XIRP2: variants seen among roughly 807,000 people sequenced by gnomAD.
XIRP2 encodes xin actin-binding repeat-containing protein 2.
In XIRP2, 236 loss-of-function variants were observed where a neutral mutation model predicts 277.0. The ratio of observed to expected loss-of-function variants is 0.85; its 90% confidence interval spans 0.77 to 0.95. The LOEUF (loss-of-function observed/expected upper bound fraction) is 0.95. Ranked by LOEUF, XIRP2 falls within the 40% of genes least tolerant of loss-of-function variation. The pLI is 0.00. For synonymous variants in XIRP2, 1,490 were observed against 1,416.5 expected (o/e 1.05, Z -1.17); for missense variants, 4,640 against 4,157.5 (o/e 1.12, Z -3.19).
At chr2:166,919,003 T>A (rs898054630) in intron 2 of XIRP2, among the ~76,000 whole-genome samples, 6 of 152,132 alleles carry the variant, frequency 3.9e-5, no homozygotes, top group African/African-American at 4.8e-5. Context: ...ATACTTAACG[T>A]AATGTGCAGG....
intron 2 of XIRP2, among the ~76,000 whole-genome samples, chr2:167,088,474 C>T (rs1276732835): frequency 3.3e-5 from 5 of 152,114 alleles, no homozygotes; most frequent in Non-Finnish European, 5.9e-5. Context: ...AGTTTTAGTA[C>T]AACCTATTCT....
intron 2 of XIRP2, among the ~76,000 whole-genome samples, chr2:167,041,182 A>G (rs888476912): frequency 1.3e-5 from 2 of 152,184 alleles, no homozygotes; most frequent in Admixed American, 1.3e-4. Context: ...TCATCCGGAC[A>G]GTAACTTCAA....
intron 5 of XIRP2, among the ~76,000 whole-genome samples, chr2:167,235,823 T>C (rs1251096564): frequency 3.3e-5 from 5 of 151,798 alleles, no homozygotes; most frequent in Non-Finnish European, 7.4e-5. Context: ...TTAATAAAAA[T>C]AAAAAGAGAA....
chr2:167,083,019 A>C (rs1215225524), intron 2 of XIRP2, among the ~76,000 whole-genome samples: 2 of 152,190 alleles, frequency 1.3e-5, no homozygotes, highest in South Asian at 4.1e-4. Context: ...GTCCTTGCCC[A>C]TGCCTATGTC....
At position 167,248,208 on chromosome 2, in the gene XIRP2, T is replaced by G; in HGVS notation, c.6816T>G (p.Asn2272Lys). Residue 2272 changes from asparagine to lysine, a missense_variant, in exon 9 of 11, where the codon AAT becomes AAG. Coordinates refer to ENST00000409195, the MANE Select transcript of XIRP2 (RefSeq NM_152381.6). ...AAATGGCAATGGAAAGGTCCTTGAATCCAATCAACTTTAACCCTGAGAATA... is the reference window on the plus strand; with the variant it reads ...AAATGGCAATGGAAAGGTCCTTGAAGCCAATCAACTTTAACCCTGAGAATA... ...GLKMAMERSL[N>K]PINFNPENNV... The G allele has an allele frequency of 6.2e-7, 1 of 1,613,694 alleles. No individual in the cohort carries two copies. The highest frequency in any genetic ancestry group is 8.5e-7 in the Non-Finnish European group (1 of 1,179,764).
intron 2 of XIRP2, among the ~76,000 whole-genome samples, chr2:167,072,146 A>C (rs1689453066): frequency 1.3e-5 from 2 of 152,178 alleles, no homozygotes; most frequent in African/African-American, 4.8e-5. Context: ...TTTATGTAAT[A>C]GAGTGTGTGT....
At chr2:166,899,058 G>A (rs543553578) in intron 1 of XIRP2, among the ~76,000 whole-genome samples, 15 of 152,090 alleles carry the variant, frequency 9.9e-5, no homozygotes, top group African/African-American at 3.4e-4. Context: ...TGTCTTCTCC[G>A]TTCCCTCTGT....
At chr2:167,257,217 C>G (rs1695681032) in intron 10 of XIRP2, among the ~76,000 whole-genome samples, 1 of 151,824 alleles carries the variant, frequency 6.6e-6, no homozygotes, top group South Asian at 2.1e-4. Context: ...GGTGGTTTCT[C>G]CTTAGTTCTT....
chr2:167,188,900 T>A (rs16853185), intron 3 of XIRP2, among the ~76,000 whole-genome samples: 27,625 of 152,186 alleles, frequency 0.18, 3,595 homozygotes, highest in African/African-American at 0.36. Flanking sequence ...CATTCTTTAA[T>A]GATCTCAGAG....
At chr2:166,945,169 T>C (rs1484999504) in intron 2 of XIRP2, among the ~76,000 whole-genome samples, 1 of 152,112 alleles carries the variant, frequency 6.6e-6, no homozygotes, top group Non-Finnish European at 1.5e-5. Flanking sequence ...CTTCCAAGAT[T>C]TGGAATATAG....
At chr2:167,204,294 A>G (rs1431282780) in intron 3 of XIRP2, among the ~76,000 whole-genome samples, 2 of 152,212 alleles carry the variant, frequency 1.3e-5, no homozygotes, top group Admixed American at 6.5e-5. Flanking sequence ...AATATTATGG[A>G]TATTTTTATT....
intron 2 of XIRP2, among the ~76,000 whole-genome samples, chr2:166,987,917 G>A (rs1263778852): frequency 1.3e-5 from 2 of 152,152 alleles, no homozygotes; most frequent in East Asian, 1.9e-4. Context: ...ATAACAAATA[G>A]GAAGGCATGC....
chr2:166,978,322 A>G (rs376423482), intron 2 of XIRP2, among the ~76,000 whole-genome samples: 2 of 152,148 alleles, frequency 1.3e-5, no homozygotes, highest in East Asian at 3.9e-4. Flanking sequence ...AGCCTCAGAC[A>G]TTTTTATTCT....
intron 2 of XIRP2, among the ~76,000 whole-genome samples, chr2:167,048,881 C>T (rs573968415): frequency 6.6e-6 from 1 of 152,010 alleles, no homozygotes; most frequent in African/African-American, 2.4e-5. Flanking sequence ...TGTTTATCTT[C>T]TTTTTCCTAG....
In XIRP2 at chr2:167,249,309, C is replaced by T. The variant is rs1559043658; in HGVS notation, c.7917C>T (p.Ala2639=). ...CAACATCGCCAGAAACAGTCGCTGCCAAGAGGCTCCACCATGTTTTAGCAG... is the reference window on the plus strand; with the variant it reads ...CAACATCGCCAGAAACAGTCGCTGCTAAGAGGCTCCACCATGTTTTAGCAG... ...LSTTSPETVA[A]KRLHHVLAAS... Residue 2639 remains alanine (A), a synonymous_variant, in exon 9 of 11, where the codon GCC becomes GCT. Transcript: ENST00000409195. The T allele has an allele frequency of 1.9e-6, 3 of 1,613,764 alleles. No individual in the cohort carries two copies. Among genetic ancestry groups the T allele is most frequent in the Non-Finnish European group, 1.7e-6 (2 of 1,179,806 alleles).
At chr2:166,956,201 T>C (rs1203339389) in intron 2 of XIRP2, among the ~76,000 whole-genome samples, 1 of 151,860 alleles carries the variant, frequency 6.6e-6, no homozygotes, top group Non-Finnish European at 1.5e-5. Context: ...CGTCGATCAA[T>C]CACTGACAGA....
Position 167,259,277 on chromosome 2 carries a change from T to G in XIRP2, c.*1460T>G. The G allele has an allele frequency of 6.2e-7, 1 of 1,613,298 alleles. No individual in the cohort carries two copies. The highest frequency in any genetic ancestry group is 8.5e-7 in the Non-Finnish European group (1 of 1,179,592). ...GAGCCATGAATGTACAGCTAAGCCTTTGTTTCCCAGAGTGGAGGTGCAGTC... is the reference window on the plus strand; with the variant it reads ...GAGCCATGAATGTACAGCTAAGCCTGTGTTTCCCAGAGTGGAGGTGCAGTC... On this transcript the variant is annotated 3_prime_UTR_variant, in exon 11 of 11. Coordinates refer to ENST00000409195, the MANE Select transcript of XIRP2 (RefSeq NM_152381.6).
At chr2:167,162,544 C>G (rs1692402179) in intron 3 of XIRP2, among the ~76,000 whole-genome samples, 1 of 152,146 alleles carries the variant, frequency 6.6e-6, no homozygotes, top group Non-Finnish European at 1.5e-5. Context: ...ACGAGAACAG[C>G]ATGGGAAAGG....
intron 3 of XIRP2, among the ~76,000 whole-genome samples, chr2:167,145,014 A>G (rs922230896): frequency 2.6e-5 from 4 of 152,152 alleles, no homozygotes; most frequent in African/African-American, 7.2e-5. Context: ...TTGAATCGCT[A>G]TCCTTGTACT....
Sources: gnomAD v4.1 joint callset for allele counts (sites outside exome capture counted in the v4.1 genomes callset) on GRCh38, gnomAD v4.1.1 for gene constraint, MANE v1.5 for transcripts, NCBI Gene and HGNC (gene_info 2026-07-23, HGNC 2026-07-21) for gene names.